The following SYCP2L variants were observed in gnomAD, a reference collection of about 807,000 sequenced individuals.
SYCP2L encodes the protein synaptonemal complex protein 2-like.
SYCP2L carries 98 observed loss-of-function variants against 125.8 expected under a neutral mutation model. The observed-to-expected ratio is 0.78, with a 90% confidence interval of 0.66 to 0.92. SYCP2L has a LOEUF of 0.92. Among genes scored for constraint, SYCP2L ranks in the 40% least tolerant of loss-of-function variants. SYCP2L has a pLI of 0.00. For synonymous variants in SYCP2L, 317 were observed against 325.4 expected, an observed-to-expected ratio of 0.97 and a Z score of 0.28; for missense variants, 842 against 936.4, an observed-to-expected ratio of 0.90 and a Z score of 1.32.
At chr6:10,934,442 G>A (rs1242736691) in intron 20 of SYCP2L, among the ~76,000 whole-genome samples, 2 of 152,226 alleles carry the variant, frequency 1.3e-5, no homozygotes, top group African/African-American at 4.8e-5. Context: ...GCTTTGGGAG[G>A]CCAAGGCGGG....
intron 23 of SYCP2L, among the ~76,000 whole-genome samples, chr6:10,948,812 T>TGGGAATTTG (rs1316420527): frequency 1.3e-4 from 20 of 152,138 alleles, no homozygotes; most frequent in Admixed American, 1.2e-3. Context: ...TAAAACCACC[T>TGGGAATTTG]GGGAATTTGG....
At chr6:10,917,256 A>G (rs1780708723) in intron 14 of SYCP2L, among the ~76,000 whole-genome samples, 1 of 152,146 alleles carries the variant, frequency 6.6e-6, no homozygotes, top group Non-Finnish European at 1.5e-5. Context: ...GAAGTCCCCC[A>G]CGATTATCGT....
chr6:10,953,869 G>T (rs1346547511), intron 23 of SYCP2L, among the ~76,000 whole-genome samples: 1 of 152,180 alleles, frequency 6.6e-6, no homozygotes, highest in African/African-American at 2.4e-5. Context: ...TGAAATTTAA[G>T]GTTAGATGGA....
chr6:10,940,530 A>C (rs1345021974), intron 21 of SYCP2L, among the ~76,000 whole-genome samples: 1 of 152,230 alleles, frequency 6.6e-6, no homozygotes, highest in Non-Finnish European at 1.5e-5. Context: ...ATATGCAACA[A>C]CATGGATAAA....
At chr6:10,918,197 CAAA>C (rs540012555) in intron 14 of SYCP2L, among the ~76,000 whole-genome samples, 4 of 77,956 alleles carry the variant, frequency 5.1e-5, no homozygotes, top group Admixed American at 1.5e-4. Flanking sequence ...GACTCCATCT[CAAA>C]AAAAAAAAAA....
intron 26 of SYCP2L, among the ~76,000 whole-genome samples, chr6:10,959,559 T>C (rs560219465): frequency 6.6e-6 from 1 of 152,342 alleles, no homozygotes; most frequent in Admixed American, 6.5e-5. Context: ...TATTATGTTA[T>C]GTGTATTTTA....
At position 10,935,091 on chromosome 6, in the gene SYCP2L, C is replaced by A; in HGVS notation, c.1717C>A (p.Pro573Thr). The change falls in exon 21 of 30, where the codon CCC becomes ACC. Residue 573 changes from proline to threonine, a missense_variant. Pro to Thr is a conservative substitution (Grantham distance 38). Coordinates refer to ENST00000283141, the MANE Select transcript of SYCP2L (RefSeq NM_001040274.3). ...KLLSPSEKEI[P>T]EQNNTTSPKT... is the part of the protein sequence containing the mutation. ...TCTATCACCATCAGAGAAAGAAATA[C>A]CCGAGCAAAATAACACCACATCTCC... 3 of 1,611,644 alleles carry A rather than the reference C, an allele frequency of 1.9e-6. No homozygotes were observed. The highest frequency in any genetic ancestry group is 2.5e-6 in the Non-Finnish European group (3 of 1,179,070).
At position 10,912,287 on chromosome 6, in the gene SYCP2L, A is replaced by T. The variant is rs1256373837; in HGVS notation, c.919-386A>T. On this transcript the variant is annotated intron_variant, in intron 12 of 29. Coordinates refer to ENST00000283141, the MANE Select transcript of SYCP2L (RefSeq NM_001040274.3). The surrounding 1 kb of genome is among the most constrained non-coding windows in gnomAD (Gnocchi z 4.1). ...ATGGTTGGAAGATAGATGGCAAATC[A>T]CTCATGTTTGGTTACAGTATCTCCT... 6.6e-6 allele frequency among the ~76,000 whole-genome samples: 1 copy of T among 152,066 alleles called. No homozygotes were observed. Among genetic ancestry groups the T allele is most frequent in the Non-Finnish European group, 1.5e-5 (1 of 68,020 alleles).
At chr6:10,951,169 A>G (rs912995730) in intron 23 of SYCP2L, among the ~76,000 whole-genome samples, 6 of 152,010 alleles carry the variant, frequency 3.9e-5, no homozygotes, top group African/African-American at 1.2e-4. Flanking sequence ...TATGCCTGTA[A>G]TCCCAGAACT....
chr6:10,924,421 A>G, intron 14 of SYCP2L, 75 bp from the exon 15 acceptor site: 1 of 1,246,018 alleles, frequency 8.0e-7, no homozygotes, highest in Non-Finnish European at 1.1e-6. Context: ...TAGCGTAGTT[A>G]TTTAAAATGA....
chr6:10,907,451 G>A, intron 9 of SYCP2L, 91 bp from the exon 10 acceptor site: 1 of 1,250,246 alleles, frequency 8.0e-7, no homozygotes, highest in South Asian at 1.7e-5. Context: ...CTCAGATGGA[G>A]TTTCTTAGAG....
At chr6:10,896,734 C>T (rs1780265180) in intron 4 of SYCP2L, among the ~76,000 whole-genome samples, 1 of 152,162 alleles carries the variant, frequency 6.6e-6, no homozygotes, top group African/African-American at 2.4e-5. Context: ...GGAGAGCTCT[C>T]ACAAACGTTC....
chr6:10,927,737 G>A (rs1360188619), intron 17 of SYCP2L, among the ~76,000 whole-genome samples: 3 of 152,092 alleles, frequency 2.0e-5, no homozygotes, highest in Non-Finnish European at 4.4e-5. Flanking sequence ...GAGAGCAACC[G>A]GTCTGACCAA....
chr6:10,945,686 C>G (rs1276606186), intron 23 of SYCP2L, among the ~76,000 whole-genome samples: 1 of 148,716 alleles, frequency 6.7e-6, no homozygotes, highest in Non-Finnish European at 1.5e-5. Flanking sequence ...AAGAGAATCA[C>G]TTAAACCCAG....
At chr6:10,919,981 A>C (rs1012383047) in intron 14 of SYCP2L, among the ~76,000 whole-genome samples, 2 of 152,148 alleles carry the variant, frequency 1.3e-5, no homozygotes, top group African/African-American at 4.8e-5. Context: ...GCAAGAAAGC[A>C]GGGGATTTTA....
intron 23 of SYCP2L, among the ~76,000 whole-genome samples, chr6:10,951,380 GC>G (rs531820977): frequency 2.7e-4 from 41 of 152,238 alleles, no homozygotes; most frequent in Non-Finnish European, 5.4e-4. Context: ...CTGTGATCGT[GC>G]CACTGCATTC....
In SYCP2L at chr6:10,894,112, G is replaced by A. The variant is rs200592317; in HGVS notation, c.244G>A (p.Val82Met). The change falls in exon 4 of 30, where the codon GTG becomes ATG. Residue 82 changes from valine (V) to methionine (M), a missense_variant. Val to Met is a conservative substitution (Grantham distance 21). Coordinates refer to ENST00000283141, the MANE Select transcript of SYCP2L (RefSeq NM_001040274.3). ...ACTAGATAAAAATGAATTTCAGTCTGTGTCACTGTTGCTGAAATGTATTCA... is the reference window on the plus strand; with the variant it reads ...ACTAGATAAAAATGAATTTCAGTCTATGTCACTGTTGCTGAAATGTATTCA... ...KELDKNEFQS[V>M]SLLLKCIQRF... is the part of the protein sequence containing the mutation. The A allele has an allele frequency of 6.2e-7, 1 of 1,613,272 alleles. No homozygotes were observed. The highest frequency in any genetic ancestry group is 1.1e-5 in the South Asian group (1 of 90,652).
Position 10,912,644 on chromosome 6 carries a change from A to G in SYCP2L, c.919-29A>G. 6.6e-7 allele frequency: 1 copy of G among 1,524,968 alleles called. No individual in the cohort carries two copies. Among genetic ancestry groups the G allele is most frequent in the Non-Finnish European group, 9.1e-7 (1 of 1,103,104 alleles). 94.5% of individuals were successfully genotyped at this position (1,524,968 alleles called of 1,614,324 possible). ...ACCCTATAGCATGATTTTTATGTGT[A>G]TAAGTCATGCTGAAATGATCTCTTA... On this transcript the variant is annotated intron_variant, in intron 12 of 29. Transcript: ENST00000283141. This position sits in a 1 kb window ranked among gnomAD's most constrained non-coding sequence, Gnocchi z 4.1.
chr6:10,931,175 G>A (rs886617180), intron 19 of SYCP2L, among the ~76,000 whole-genome samples: 1 of 152,144 alleles, frequency 6.6e-6, no homozygotes, highest in Non-Finnish European at 1.5e-5. Context: ...TGTCTCAAAC[G>A]AAACAAACTA....
Sources: allele counts gnomAD v4.1 joint callset (sites outside exome capture counted in the v4.1 genomes callset), GRCh38; gene constraint gnomAD v4.1.1; non-coding constraint Gnocchi (gnomAD v3.1); transcripts MANE v1.5; gene names NCBI Gene and HGNC (gene_info 2026-07-23, HGNC 2026-07-21).